DCAF1: variants seen among roughly 807,000 people sequenced by gnomAD.
The protein encoded by DCAF1 is DDB1 and CUL4 associated factor 1, also known as DDB1- and CUL4-associated factor 1.
In DCAF1, 15 loss-of-function variants were observed where a neutral mutation model predicts 128.0. The observed-to-expected ratio is 0.12, with a 90% CI of 0.08 to 0.18. The LOEUF (loss-of-function observed/expected upper bound fraction) is 0.18. DCAF1 is among the 10% of genes least tolerant of loss of function. The probability of loss-of-function intolerance (pLI) is 1.00; values close to 1 mark genes in which losing one functional copy is unlikely to be tolerated. For synonymous variants in DCAF1, 610 were observed against 603.0 expected (o/e 1.01, Z -0.17); for missense variants, 988 against 1,649.5 (o/e 0.60, Z 6.95).
intron 9 of DCAF1, among the ~76,000 whole-genome samples, chr3:51,435,620 A>G (rs1700743647): frequency 6.6e-6 from 1 of 152,036 alleles, no homozygotes; most frequent in Non-Finnish European, 1.5e-5. Context: ...CTGAAGCAGA[A>G]TAATCACTTG....
At chr3:51,395,890 T>A, downstream of DCAF1, 1 of 413,520 alleles carries the variant, frequency 2.4e-6, no homozygotes, top group Non-Finnish European at 4.4e-6. Flanking sequence ...TGTTTATTTA[T>A]TTGCCTGTTT....
At chr3:51,401,873 C>T (rs1202040679) in intron 24 of DCAF1, among the ~76,000 whole-genome samples, 1 of 152,184 alleles carries the variant, frequency 6.6e-6, no homozygotes, top group Non-Finnish European at 1.5e-5. Flanking sequence ...GACCAGGCTT[C>T]GGCCTACTCC....
chr3:51,452,799 G>A (rs1051484629), intron 6 of DCAF1, among the ~76,000 whole-genome samples: 3 of 151,942 alleles, frequency 2.0e-5, no homozygotes, highest in African/African-American at 7.3e-5. Context: ...ATCATCTGAG[G>A]TCAGGAATTC....
At chr3:51,432,481 C>T (rs1460210496) in intron 10 of DCAF1, among the ~76,000 whole-genome samples, 5 of 149,764 alleles carry the variant, frequency 3.3e-5, no homozygotes, top group African/African-American at 9.8e-5. Flanking sequence ...TTTTTTTAAA[C>T]GGAGTCTTGC....
At chr3:51,429,890 G>GAAA in intron 11 of DCAF1, 143 bp downstream of exon 11, 11 of 480,444 alleles carry the variant, frequency 2.3e-5, no homozygotes, top group East Asian at 7.0e-5. Flanking sequence ...TGAAGAAAGG[G>GAAA]AAAAAAAAAA....
At position 51,398,483 on chromosome 3, in the gene DCAF1, T is replaced by G. The variant is rs1553623831; in HGVS notation, c.*286A>C. ...ATTGTGAAATACCCCAGAGACATGG[T>G]TTTTTTTTCCCCTTGAAAGATATGT... On this transcript the variant is annotated 3_prime_UTR_variant, in exon 25 of 25. Coordinates refer to ENST00000684031, the MANE Select transcript of DCAF1 (RefSeq NM_001387579.1). 2.3e-5 allele frequency: 8 copies of G among 346,726 alleles called. No homozygotes were observed. Among genetic ancestry groups the G allele is most frequent in the Admixed American group, 1.8e-4 (4 of 22,074 alleles). 21.5% of individuals were successfully genotyped at this position (346,726 alleles called of 1,614,324 possible). A position where few individuals can be genotyped will look rare whatever the true frequency, so the allele number is the denominator to read the frequency against.
Position 51,440,961 on chromosome 3 carries a change from G to A in DCAF1, c.1128+9C>T. On this transcript the variant is annotated intron_variant, in intron 9 of 24. Transcript: ENST00000684031. The stretch of plus-strand genomic sequence containing the variant: ...ATCCCCGGTGACCCAATATTTTTAA[G>A]AACTTTACCTTTAGTGCCTCAAATG... The A allele has an allele frequency of 6.3e-7, 1 of 1,599,790 alleles. No homozygotes were observed. The highest frequency in any genetic ancestry group is 2.2e-5 in the East Asian group (1 of 44,722).
intron 6 of DCAF1, among the ~76,000 whole-genome samples, chr3:51,451,069 C>CTTTTTTTTTTTTTTTTTTT (rs1167474829): frequency 7.4e-5 from 2 of 27,110 alleles, no homozygotes; most frequent in African/African-American, 1.3e-4. Context: ...AAAGGAAATT[C>CTTTTTTTTTTTTTTTTTTT]TTTTTTTTTT....
At position 51,457,721 on chromosome 3, in the gene DCAF1, G is replaced by A. The variant is rs550531502; in HGVS notation, c.375+5393C>T. Among the ~76,000 whole-genome samples the A allele has an allele frequency of 2.4e-3, 360 of 152,340 alleles. 1 individual carries two copies. Among genetic ancestry groups the A allele is most frequent in the African/African-American group, 8.4e-3 (350 of 41,578 alleles). ...CAGACTAACAGCTGATCTCTCTGCA[G>A]AAACTCTACAAGCCAGAAGAGAGTG... On this transcript the variant is annotated intron_variant, in intron 6 of 24. Coordinates refer to ENST00000684031, the MANE Select transcript of DCAF1 (RefSeq NM_001387579.1).
At chr3:51,421,572 A>G (rs1699395790) in intron 14 of DCAF1, among the ~76,000 whole-genome samples, 1 of 152,012 alleles carries the variant, frequency 6.6e-6, no homozygotes, top group Non-Finnish European at 1.5e-5. Context: ...TGGTTTATTA[A>G]TTTTAATACA....
chr3:51,456,658 C>T (rs889680270), intron 6 of DCAF1, among the ~76,000 whole-genome samples: 1 of 152,168 alleles, frequency 6.6e-6, no homozygotes, highest in Admixed American at 6.5e-5. Context: ...CTGGGAGGCA[C>T]CCCCCAGTAG....
intron 6 of DCAF1, among the ~76,000 whole-genome samples, chr3:51,458,493 CAGACAGATCAACG>C: frequency 6.6e-6 from 1 of 152,178 alleles, no homozygotes; most frequent in Admixed American, 6.6e-5. Flanking sequence ...CTGTCAACAT[CAGACAGATCAACG>C]AGACAGAAAG....
chr3:51,435,034 G>A (rs895016965), intron 9 of DCAF1, among the ~76,000 whole-genome samples: 10 of 152,324 alleles, frequency 6.6e-5, no homozygotes, highest in Middle Eastern at 3.4e-3. Flanking sequence ...AAACAGGGAT[G>A]TGCCCTCTTC....
chr3:51,483,751 G>T lies in DCAF1; in HGVS notation c.78C>A (p.Gly26=). The change falls in exon 3 of 25, where the codon GGC becomes GGA. Residue 26 remains glycine (G), a synonymous_variant. Transcript: ENST00000684031. ...TLLEQWEKEH[G]SGQDMVPILT... ...GGATAGGTACCATGTCCTGCCCACT[G>T]CCATGTTCCTTTTCCCACTGCTCCA... 1 of 1,613,628 alleles carries T rather than the reference G, an allele frequency of 6.2e-7. No homozygotes were observed. The highest frequency in any genetic ancestry group is 8.5e-7 in the Non-Finnish European group (1 of 1,179,800).
intron 3 of DCAF1, among the ~76,000 whole-genome samples, chr3:51,475,989 C>T (rs1553650421): frequency 1.3e-5 from 2 of 152,144 alleles, no homozygotes; most frequent in African/African-American, 4.8e-5. Flanking sequence ...CTCTACGTTA[C>T]AGAGTTTCCC....
At chr3:51,397,681 C>A, downstream of DCAF1, 1 of 161,282 alleles carries the variant, frequency 6.2e-6, no homozygotes. Context: ...ACGGCAGGGG[C>A]AGACACTGTG....
At chr3:51,408,298 T>TA (rs1214861561) in intron 23 of DCAF1, among the ~76,000 whole-genome samples, 2 of 152,346 alleles carry the variant, frequency 1.3e-5, no homozygotes, top group African/African-American at 4.8e-5. Flanking sequence ...ACCATTTTAT[T>TA]AGATGACGGC....
chr3:51,458,574 T>G (rs1394953358), intron 6 of DCAF1, among the ~76,000 whole-genome samples: 5 of 152,088 alleles, frequency 3.3e-5, no homozygotes, highest in African/African-American at 1.2e-4. Context: ...CTAACAGACA[T>G]CTACAGAACT....
chr3:51,437,885 AAAAAAAG>A (rs144999942), intron 9 of DCAF1, among the ~76,000 whole-genome samples: 4,430 of 152,250 alleles, frequency 0.029, 54 homozygotes, highest in Middle Eastern at 0.048. Flanking sequence ...CTACGCCAGA[AAAAAAAG>A]AAAAAAGAAA....
Sources: gnomAD v4.1 joint callset for allele counts (sites outside exome capture counted in the v4.1 genomes callset) on GRCh38, gnomAD v4.1.1 for gene constraint, MANE v1.5 for transcripts, NCBI Gene and HGNC (gene_info 2026-07-23, HGNC 2026-07-21) for gene names.